CDC14A: variants seen among roughly 807,000 people sequenced by gnomAD.
CDC14A encodes the protein cell division cycle 14A, also known as dual specificity protein phosphatase CDC14A.
Under a neutral mutation model 74.4 loss-of-function variants are expected in CDC14A, and 53 were observed. That is an observed-to-expected ratio of 0.71 (90% CI 0.57 to 0.89). The LOEUF is 0.89. CDC14A is among the 40% of genes least tolerant of loss of function. The probability of loss-of-function intolerance (pLI) is 0.00; values close to 1 mark genes in which losing one functional copy is unlikely to be tolerated. For synonymous variants in CDC14A, 247 were observed against 258.4 expected, an observed-to-expected ratio of 0.96 and a Z score of 0.43; for missense variants, 646 against 713.7, an observed-to-expected ratio of 0.91 and a Z score of 1.08.
At chr1:100,463,118 T>G (rs1667473993) in intron 9 of CDC14A, among the ~76,000 whole-genome samples, 3 of 152,154 alleles carry the variant, frequency 2.0e-5, no homozygotes, top group Admixed American at 2.0e-4. Context: ...AGACCTTACC[T>G]TTCCAGGCCC....
In CDC14A at chr1:100,384,652, G is replaced by T. The variant is rs75417137; in HGVS notation, c.217-6080G>T. Among the ~76,000 whole-genome samples the T allele has an allele frequency of 2.9e-3, 441 of 152,286 alleles. 2 individuals carry two copies. Among genetic ancestry groups the T allele is most frequent in the African/African-American group, 0.01 (424 of 41,566 alleles). Reference sequence around the variant, plus strand: ...AACCTTCTTCAGCCGCAGTATCCTGGCACCCAGATTTAGCAAATTGGTCAC... The same window carrying T: ...AACCTTCTTCAGCCGCAGTATCCTGTCACCCAGATTTAGCAAATTGGTCAC... On this transcript the variant is annotated intron_variant, in intron 3 of 15. Coordinates refer to ENST00000336454, the MANE Select transcript of CDC14A (RefSeq NM_003672.4).
chr1:100,401,828 C>G (rs1008207335), intron 4 of CDC14A, among the ~76,000 whole-genome samples: 2 of 151,974 alleles, frequency 1.3e-5, no homozygotes, highest in East Asian at 3.9e-4. Context: ...CACCTGAGGT[C>G]GGGAGTTCGA....
chr1:100,415,676 T>C (rs1236910415), intron 4 of CDC14A, among the ~76,000 whole-genome samples: 1 of 152,238 alleles, frequency 6.6e-6, no homozygotes, highest in Non-Finnish European at 1.5e-5. Context: ...TTACTCTGTT[T>C]TAATTAGACT....
At chr1:100,378,273 C>T (rs1179524942) in intron 3 of CDC14A, among the ~76,000 whole-genome samples, 1 of 151,974 alleles carries the variant, frequency 6.6e-6, no homozygotes, top group East Asian at 1.9e-4. Context: ...GGAAACTCAT[C>T]TATATACCTA....
At chr1:100,375,084 G>A (rs1208949186) in intron 2 of CDC14A, among the ~76,000 whole-genome samples, 1 of 152,150 alleles carries the variant, frequency 6.6e-6, no homozygotes, top group South Asian at 2.1e-4. Flanking sequence ...TGAGAGAAAG[G>A]TGTTCCCTAG....
intron 4 of CDC14A, among the ~76,000 whole-genome samples, chr1:100,402,914 G>C (rs773373111): frequency 6.6e-5 from 10 of 152,228 alleles, no homozygotes; most frequent in Non-Finnish European, 1.3e-4. Flanking sequence ...TAGTCATACA[G>C]TTTCTTTTCC....
At chr1:100,487,964 A>G (rs1253738714) in intron 11 of CDC14A, among the ~76,000 whole-genome samples, 1 of 152,200 alleles carries the variant, frequency 6.6e-6, no homozygotes, top group Non-Finnish European at 1.5e-5. Context: ...AAAGGCCTTA[A>G]TAAGTATTAT....
At chr1:100,488,500 G>A (rs1056355631) in intron 11 of CDC14A, among the ~76,000 whole-genome samples, 7 of 152,164 alleles carry the variant, frequency 4.6e-5, no homozygotes, top group African/African-American at 1.7e-4. Context: ...AGTAAATTAT[G>A]TACAGTAATT....
intron 10 of CDC14A, among the ~76,000 whole-genome samples, chr1:100,476,853 T>G (rs1289042389): frequency 1.3e-5 from 2 of 152,186 alleles, no homozygotes; most frequent in Non-Finnish European, 2.9e-5. Flanking sequence ...AAAGGGACTT[T>G]GCAGAAGTGA....
rs144955968 is a variant in CDC14A at position 100,424,927 on chromosome 1, GGAGGCT to G, written c.389+634_389+639del. Among the ~76,000 whole-genome samples the G allele has an allele frequency of 9.9e-3, 1,504 of 152,228 alleles. 31 individuals carry two copies. The highest frequency in any genetic ancestry group is 0.035 in the African/African-American group (1,441 of 41,530). On this transcript the variant is annotated intron_variant, in intron 5 of 15. Transcript: ENST00000336454. ...TCATGGCTGTAATCCCAGCACTTTG[GGAGGCT>G]GAGGCTGGTGGATAGCTTGAGCCCA...
chr1:100,420,049 C>CTATATATATATATATATATAT (rs1662099290), intron 4 of CDC14A, among the ~76,000 whole-genome samples: 1 of 14,250 alleles, frequency 7.0e-5, no homozygotes, highest in African/African-American at 2.8e-4. Flanking sequence ...CACACACACA[C>CTATATATATATATATATATAT]ACACACACAC....
upstream of CDC14A, among the ~76,000 whole-genome samples, chr1:100,347,702 C>G (rs1325831885): frequency 2.0e-5 from 3 of 152,036 alleles, no homozygotes; most frequent in East Asian, 5.8e-4. Context: ...ATAAATAATT[C>G]AAATTACCTT....
chr1:100,349,069 G>A (rs1424724254), upstream of CDC14A, among the ~76,000 whole-genome samples: 1 of 152,152 alleles, frequency 6.6e-6, no homozygotes, highest in African/African-American at 2.4e-5. Flanking sequence ...TGGCGCACAT[G>A]CCTGTAGTCC....
chr1:100,461,158 C>T (rs1667277058), intron 8 of CDC14A, among the ~76,000 whole-genome samples: 1 of 152,236 alleles, frequency 6.6e-6, no homozygotes, highest in Non-Finnish European at 1.5e-5. Context: ...TTAGCAGAAC[C>T]TGCTCCTGTT....
intron 4 of CDC14A, among the ~76,000 whole-genome samples, chr1:100,414,456 A>G (rs1178963341): frequency 6.6e-6 from 1 of 152,258 alleles, no homozygotes; most frequent in Non-Finnish European, 1.5e-5. Context: ...CTGGTCTGTT[A>G]CAGTGGATCT....
At chr1:100,390,600 A>G (rs1292136569) in intron 3 of CDC14A, 132 bp from the exon 4 acceptor site, 1 of 610,840 alleles carries the variant, frequency 1.6e-6, no homozygotes, top group East Asian at 2.8e-5. Flanking sequence ...AATGCCATAG[A>G]AATTAAAGTT....
chr1:100,351,752 A>C (rs547751720), upstream of CDC14A: 1 of 1,550,570 alleles, frequency 6.4e-7, no homozygotes, highest in South Asian at 1.2e-5. Context: ...GGCGTGGAGA[A>C]CCAGATGGGA....
intron 11 of CDC14A, among the ~76,000 whole-genome samples, chr1:100,488,141 G>A (rs1162264068): frequency 6.6e-6 from 1 of 152,138 alleles, no homozygotes; most frequent in Non-Finnish European, 1.5e-5. Flanking sequence ...ATTATGGCTT[G>A]GAGTTATCTT....
intron 3 of CDC14A, among the ~76,000 whole-genome samples, chr1:100,381,686 C>T (rs1656121833): frequency 6.6e-6 from 1 of 152,052 alleles, no homozygotes; most frequent in Non-Finnish European, 1.5e-5. Flanking sequence ...TTCCCAATGT[C>T]CTTATTTTAA....
Sources: gnomAD v4.1 joint callset for allele counts (sites outside exome capture counted in the v4.1 genomes callset) on GRCh38, gnomAD v4.1.1 for gene constraint, MANE v1.5 for transcripts, NCBI Gene and HGNC (gene_info 2026-07-23, HGNC 2026-07-21) for gene names.